The following SMTNL1 variants were observed in gnomAD, a reference collection of about 807,000 sequenced individuals.
SMTNL1 encodes smoothelin like 1.
In SMTNL1, 41 loss-of-function variants were observed where a neutral mutation model predicts 46.6. The observed-to-expected ratio is 0.88, with a 90% confidence interval of 0.69 to 1.14. The LOEUF is 1.14. SMTNL1 is among the 50% of genes most tolerant of loss of function. The pLI is 0.00. For synonymous variants in SMTNL1, 234 were observed against 234.2 expected (o/e 1.00, Z 0.01); for missense variants, 591 against 626.1 (o/e 0.94, Z 0.60).
intron 4 of SMTNL1, among the ~76,000 whole-genome samples, chr11:57,544,717 A>G (rs187884550): frequency 6.6e-6 from 1 of 152,350 alleles, no homozygotes; most frequent in Non-Finnish European, 1.5e-5. Context: ...AAAGCACTTT[A>G]GCCCAGTGCC....
intron 7 of SMTNL1, among the ~76,000 whole-genome samples, chr11:57,548,253 C>T (rs1277750979): frequency 2.0e-5 from 3 of 152,156 alleles, no homozygotes; most frequent in African/African-American, 7.2e-5. Flanking sequence ...GTGCCAGCAG[C>T]TCCTGAAACA....
chr11:57,542,909 T>C lies in SMTNL1; in HGVS notation c.267T>C (p.Asp89=). The C allele has an allele frequency of 6.2e-7, 1 of 1,608,180 alleles. No individual in the cohort carries two copies. The highest frequency in any genetic ancestry group is 8.5e-7 in the Non-Finnish European group (1 of 1,177,214). Residue 89 remains aspartate (D), a synonymous_variant, in exon 2 of 8, where the codon GAT becomes GAC. Coordinates refer to ENST00000527972, the MANE Select transcript of SMTNL1 (RefSeq NM_001105565.3). ...ESQREAGGKE[D]AEAELKKEDG... is the part of the protein sequence containing the mutation. ...AGAGGGAGGCTGGTGGGAAAGAGGA[T>C]GCTGAGGCTGAACTTAAAAAGGAGG...
At position 57,546,599 on chromosome 11, in the gene SMTNL1, G is replaced by A. The variant is rs1313342835; in HGVS notation, c.1287G>A (p.Glu429=). The A allele has an allele frequency of 6.2e-7, 1 of 1,614,054 alleles. No homozygotes were observed. The highest frequency in any genetic ancestry group is 1.7e-5 in the Admixed American group (1 of 60,016). Residue 429 remains glutamate, a synonymous_variant, in exon 7 of 8, where the codon GAG becomes GAA. Coordinates refer to ENST00000527972, the MANE Select transcript of SMTNL1 (RefSeq NM_001105565.3). The part of the protein sequence containing the change: ...KFFPDAFDYA[E]LDPAKRRHNF... Reference sequence around the variant, plus strand: ...TCCCTGACGCCTTTGACTACGCAGAGCTGGATCCCGCAAAGCGCCGGCACA... The same window carrying A: ...TCCCTGACGCCTTTGACTACGCAGAACTGGATCCCGCAAAGCGCCGGCACA...
intron 4 of SMTNL1, 85 bp downstream of exon 4, chr11:57,544,005 C>T: frequency 7.5e-7 from 1 of 1,330,858 alleles, no homozygotes. Context: ...GTCTGGGTTC[C>T]CCCAGCACCT....
chr11:57,543,419 C>T, intron 2 of SMTNL1, 45 bp downstream of exon 2: 2 of 1,583,054 alleles, frequency 1.3e-6, no homozygotes. Flanking sequence ...TCGTCTCCTG[C>T]TTCTGGAAGC....
In SMTNL1 at chr11:57,542,803, A is replaced by T. The variant is rs1944889716; in HGVS notation, c.161A>T (p.Glu54Val). 6.2e-7 allele frequency: 1 copy of T among 1,613,672 alleles called. No individual in the cohort carries two copies. Among genetic ancestry groups the T allele is most frequent in the Non-Finnish European group, 8.5e-7 (1 of 1,179,814 alleles). Residue 54 changes from glutamate to valine, a missense_variant, in exon 2 of 8, where the codon GAA (glutamate) becomes GTA (valine). By Grantham distance (121) the Glu-to-Val change is moderately radical. Coordinates refer to ENST00000527972, the MANE Select transcript of SMTNL1 (RefSeq NM_001105565.3). ...CCTCCCACTGAGTCAGGAAAGCAGG[A>T]AAAGGCACCAGCCGAGGACGGCATG... ...EGPPTESGKQ[E>V]KAPAEDGMSA...
intron 3 of SMTNL1, 23 bp downstream of exon 3, chr11:57,543,779 TG>T: frequency 6.4e-7 from 1 of 1,556,338 alleles, no homozygotes; most frequent in Non-Finnish European, 8.7e-7. Flanking sequence ...CCAGAGCCCA[TG>T]GGATGCTGCA....
At chr11:57,545,840 G>A in intron 4 of SMTNL1, 41 bp from the exon 5 acceptor site, 3 of 1,583,604 alleles carry the variant, frequency 1.9e-6, no homozygotes, top group East Asian at 2.3e-5. Flanking sequence ...TGCAGTGCTG[G>A]TCCCAGCCTC....
chr11:57,547,333 T>C (rs1299880398), intron 7 of SMTNL1, among the ~76,000 whole-genome samples: 1 of 150,934 alleles, frequency 6.6e-6, no homozygotes, highest in Non-Finnish European at 1.5e-5. Flanking sequence ...GTGGGAGGAG[T>C]CATCAGATGA....
Position 57,550,177 on chromosome 11 carries a change from G to T in SMTNL1, c.*65G>T. On this transcript the variant is annotated 3_prime_UTR_variant, in exon 8 of 8. Transcript: ENST00000527972. The stretch of plus-strand genomic sequence containing the variant: ...CCAGCTCAGCAGCCACGGCCCGGGG[G>T]TTCCCTTCTGCTCCATGGAGGCACC... 2.0e-6 allele frequency: 3 copies of T among 1,522,984 alleles called. No individual in the cohort carries two copies. The highest frequency in any genetic ancestry group is 3.5e-4 in the Middle Eastern group (2 of 5,766). The allele number at this position is 1,522,984 out of a possible 1,614,324, so 94.3% of individuals were successfully genotyped here.
Position 57,550,171 on chromosome 11 carries a change from C to G in SMTNL1, c.*59C>G. 1 of 1,537,134 alleles carries G rather than the reference C, an allele frequency of 6.5e-7. No homozygotes were observed. The highest frequency in any genetic ancestry group is 8.8e-7 in the Non-Finnish European group (1 of 1,138,658). The stretch of plus-strand genomic sequence containing the variant: ...GGGTGCCCAGCTCAGCAGCCACGGC[C>G]CGGGGGTTCCCTTCTGCTCCATGGA... On this transcript the variant is annotated 3_prime_UTR_variant, in exon 8 of 8. Coordinates refer to ENST00000527972, the MANE Select transcript of SMTNL1 (RefSeq NM_001105565.3).
In SMTNL1 at chr11:57,545,954, C is replaced by A. The variant is rs1438764597; in HGVS notation, c.991C>A (p.Pro331Thr). 6.2e-7 allele frequency: 1 copy of A among 1,613,636 alleles called. No homozygotes were observed. The highest frequency in any genetic ancestry group is 1.1e-5 in the South Asian group (1 of 91,048). The change falls in exon 5 of 8, where the codon CCA (proline) becomes ACA (threonine). Residue 331 changes from proline (P) to threonine (T), a missense_variant. By Grantham distance (38) the Pro-to-Thr change is conservative (BLOSUM62 -1). Coordinates refer to ENST00000527972, the MANE Select transcript of SMTNL1 (RefSeq NM_001105565.3). ...CTCAGGGGAGAAGAAGGAGAAGGCACCAGAGCGCAGGGTATCAGCCCCTGC... is the reference window on the plus strand; with the variant it reads ...CTCAGGGGAGAAGAAGGAGAAGGCAACAGAGCGCAGGGTATCAGCCCCTGC... ...PSSGEKKEKA[P>T]ERRVSAPARP...
intron 7 of SMTNL1, among the ~76,000 whole-genome samples, chr11:57,548,595 G>A (rs559790064): frequency 1.8e-4 from 27 of 152,236 alleles, no homozygotes; most frequent in South Asian, 6.2e-4. Context: ...ACTTGAATCC[G>A]GGAAGCAGAG....
At position 57,543,030 on chromosome 11, in the gene SMTNL1, A is replaced by G. The variant is rs1249843447; in HGVS notation, c.388A>G (p.Ser130Gly). Residue 130 changes from serine to glycine, a missense_variant, in exon 2 of 8, where the codon AGC (serine) becomes GGC (glycine). Coordinates refer to ENST00000527972, the MANE Select transcript of SMTNL1 (RefSeq NM_001105565.3). ...ACCCAAAGAGGCTGAGGAAAAGGAG[A>G]GCACGCTGGCCTCTGAGAAGCAGAA... ...SEPKEAEEKE[S>G]TLASEKQKAE... 1 of 1,603,762 alleles carries G rather than the reference A, an allele frequency of 6.2e-7. No individual in the cohort carries two copies. The highest frequency in any genetic ancestry group is 2.3e-5 in the East Asian group (1 of 44,430).
In SMTNL1 at chr11:57,539,550, C is replaced by T. The variant is rs190774125; in HGVS notation, c.-3+1908C>T. The stretch of plus-strand genomic sequence containing the variant: ...CTGGGCACAGCCAACCCACATCATA[C>T]GAGCTGATGGGTGCTGAGTACTCAT... On this transcript the variant is annotated intron_variant, in intron 1 of 7. Coordinates refer to ENST00000527972, the MANE Select transcript of SMTNL1 (RefSeq NM_001105565.3). Among the ~76,000 whole-genome samples, 8 of 152,340 alleles carry T rather than the reference C, an allele frequency of 5.3e-5. 1 individual carries two copies. Among genetic ancestry groups the T allele is most frequent in the South Asian group, 2.1e-4 (1 of 4,830 alleles).
At chr11:57,541,007 C>A (rs116876081) in intron 1 of SMTNL1, among the ~76,000 whole-genome samples, 1 of 152,148 alleles carries the variant, frequency 6.6e-6, no homozygotes, top group African/African-American at 2.4e-5. Context: ...CCATGCCCGG[C>A]GTCATCTTCC....
At chr11:57,542,121 C>T (rs1269984752) in intron 1 of SMTNL1, among the ~76,000 whole-genome samples, 1 of 144,120 alleles carries the variant, frequency 6.9e-6, no homozygotes, top group Non-Finnish European at 1.5e-5. Flanking sequence ...AAAACACACA[C>T]ACACACACAC....
At chr11:57,548,244 T>G (rs1238198974) in intron 7 of SMTNL1, among the ~76,000 whole-genome samples, 1 of 152,154 alleles carries the variant, frequency 6.6e-6, no homozygotes, top group African/African-American at 2.4e-5. Context: ...TGTTGCTAAG[T>G]GCCAGCAGCT....
chr11:57,539,005 T>C (rs1394491494), intron 1 of SMTNL1, among the ~76,000 whole-genome samples: 2 of 152,074 alleles, frequency 1.3e-5, no homozygotes, highest in Non-Finnish European at 2.9e-5. Context: ...TGCGTGCACC[T>C]ACCCTTCCCC....
Sources: allele counts gnomAD v4.1 joint callset (sites outside exome capture counted in the v4.1 genomes callset), GRCh38; gene constraint gnomAD v4.1.1; transcripts MANE v1.5; gene names NCBI Gene and HGNC (gene_info 2026-07-23, HGNC 2026-07-21).